The following MYO5B variants were observed in gnomAD, a reference collection of about 807,000 sequenced individuals.
The protein encoded by MYO5B is unconventional myosin-Vb.
MYO5B carries 143 observed loss-of-function variants against 229.3 expected under a neutral mutation model. The observed-to-expected ratio is 0.62, with a 90% CI of 0.54 to 0.72. The LOEUF is 0.72. Among genes scored for constraint, MYO5B ranks in the 30% least tolerant of loss-of-function variants. The probability of loss-of-function intolerance (pLI) is 0.00; values close to 1 mark genes in which losing one functional copy is unlikely to be tolerated. For synonymous variants in MYO5B, 918 were observed against 885.2 expected (o/e 1.04, Z -0.66); for missense variants, 2,321 against 2,331.0 (o/e 1.00, Z 0.09).
chr18:49,881,344 A>G (rs1196000762), intron 22 of MYO5B, among the ~76,000 whole-genome samples: 2 of 152,170 alleles, frequency 1.3e-5, no homozygotes, highest in Admixed American at 6.5e-5. Flanking sequence ...AAATTCTGGA[A>G]AAGAGATAAC....
intron 1 of MYO5B, among the ~76,000 whole-genome samples, chr18:50,187,860 C>T (rs779997516): frequency 4.6e-5 from 7 of 152,098 alleles, no homozygotes; most frequent in Non-Finnish European, 8.8e-5. Flanking sequence ...AGACAAAAAA[C>T]TGAGCAACTG....
At chr18:49,888,065 G>A (rs772534792) in intron 22 of MYO5B, among the ~76,000 whole-genome samples, 40 of 152,126 alleles carry the variant, frequency 2.6e-4, no homozygotes, top group Non-Finnish European at 5.1e-4. Flanking sequence ...GCAGGGATGA[G>A]GGACAGGTGC....
At chr18:49,986,631 AT>A (rs778090237) in intron 7 of MYO5B, among the ~76,000 whole-genome samples, 5 of 152,238 alleles carry the variant, frequency 3.3e-5, no homozygotes, top group Non-Finnish European at 7.3e-5. Context: ...AGAAGACAGC[AT>A]TTTAGCTCTT....
chr18:49,954,530 T>C, intron 12 of MYO5B, 95 bp from the exon 13 acceptor site: 1 of 1,506,970 alleles, frequency 6.6e-7, no homozygotes, highest in South Asian at 1.1e-5. Context: ...GCTGGCTCTG[T>C]GAAGGTTGAT....
intron 1 of MYO5B, among the ~76,000 whole-genome samples, chr18:50,071,386 T>C (rs1204366950): frequency 1.3e-5 from 2 of 152,172 alleles, no homozygotes; most frequent in African/African-American, 4.8e-5. Flanking sequence ...AAAATGTTCA[T>C]CATGATGCCC....
Position 49,992,406 on chromosome 18 carries a change from C to A in MYO5B, c.638G>T (p.Arg213Leu), listed in dbSNP as rs557316656. 6 of 1,614,036 alleles carry A rather than the reference C, an allele frequency of 3.7e-6. No homozygotes were observed. The highest frequency in any genetic ancestry group is 4.2e-6 in the Non-Finnish European group (5 of 1,179,998). The stretch of plus-strand genomic sequence containing the variant: ...GCCAAAACGGCTGCTGTTGTCATTG[C>A]GGGTGGTCTTGGCATTTCCAATGGC... ...MEAIGNAKTTRNDNSSRFGKY... is the reference protein window; with the variant it reads ...MEAIGNAKTTLNDNSSRFGKY... The change falls in exon 6 of 40, where the codon CGC (arginine) becomes CTC (leucine). Residue 213 changes from arginine (R) to leucine (L), a missense_variant. Physicochemically the swap from Arg to Leu is moderately radical, Grantham distance 102. Coordinates refer to ENST00000285039, the MANE Select transcript of MYO5B (RefSeq NM_001080467.3).
At chr18:50,173,489 G>C (rs544800976) in intron 1 of MYO5B, among the ~76,000 whole-genome samples, 4 of 152,332 alleles carry the variant, frequency 2.6e-5, no homozygotes, top group Middle Eastern at 3.4e-3. Context: ...TGATCTGGCT[G>C]CTGCACAGAG....
In MYO5B at chr18:49,824,022, T is replaced by A. The variant is rs2023807322; in HGVS notation, c.*2449A>T. 1 of 152,536 alleles carries A rather than the reference T, an allele frequency of 6.6e-6. No individual in the cohort carries two copies. The highest frequency in any genetic ancestry group is 1.5e-5 in the Non-Finnish European group (1 of 68,014). 9.4% of individuals were successfully genotyped at this position (152,536 alleles called of 1,614,324 possible). Reference sequence around the variant, plus strand: ...CTTAGTAACCGCTAAAGGCACCTGGTGAAAAAAATGTCAACTAAATTTTAA... The same window carrying A: ...CTTAGTAACCGCTAAAGGCACCTGGAGAAAAAAATGTCAACTAAATTTTAA... On this transcript the variant is annotated 3_prime_UTR_variant, in exon 40 of 40. Transcript: ENST00000285039.
chr18:50,073,022 T>C (rs1435671772), intron 1 of MYO5B, among the ~76,000 whole-genome samples: 3 of 152,208 alleles, frequency 2.0e-5, no homozygotes, highest in Admixed American at 6.5e-5. Flanking sequence ...AGTCACATCG[T>C]AGCCAAAGAT....
At chr18:49,909,064 A>T (rs2024930393) in intron 18 of MYO5B, among the ~76,000 whole-genome samples, 1 of 152,106 alleles carries the variant, frequency 6.6e-6, no homozygotes, top group Non-Finnish European at 1.5e-5. Context: ...CTTTGTCCCC[A>T]CTTCTCATCG....
chr18:50,043,725 G>A (rs1170212345), intron 2 of MYO5B, among the ~76,000 whole-genome samples: 2 of 144,736 alleles, frequency 1.4e-5, no homozygotes, highest in East Asian at 3.9e-4. Flanking sequence ...TTATTACTCA[G>A]CCATAAAAAG....
chr18:49,995,536 T>A (rs756022647), intron 5 of MYO5B, among the ~76,000 whole-genome samples: 9 of 151,940 alleles, frequency 5.9e-5, no homozygotes, highest in Non-Finnish European at 1.3e-4. Flanking sequence ...TGGGATTACA[T>A]CCTCACTTAT....
intron 2 of MYO5B, among the ~76,000 whole-genome samples, chr18:50,051,240 G>A (rs1458194020): frequency 6.6e-6 from 1 of 152,092 alleles, no homozygotes; most frequent in East Asian, 1.9e-4. Flanking sequence ...CTCTTGCCCT[G>A]GCCCTCCAAA....
intron 4 of MYO5B, among the ~76,000 whole-genome samples, chr18:50,030,645 C>A (rs1395723634): frequency 1.3e-5 from 2 of 152,044 alleles, no homozygotes; most frequent in East Asian, 3.9e-4. Flanking sequence ...CAGATCCCAT[C>A]TCCAGGCTGG....
intron 5 of MYO5B, among the ~76,000 whole-genome samples, chr18:49,999,413 TTC>T: frequency 6.6e-6 from 1 of 152,342 alleles, no homozygotes; most frequent in South Asian, 2.1e-4. Context: ...CATGCCTCAG[TTC>T]GGGGCTCAGA....
intron 1 of MYO5B, among the ~76,000 whole-genome samples, chr18:50,164,465 T>C (rs2032814670): frequency 6.6e-6 from 1 of 152,242 alleles, no homozygotes; most frequent in South Asian, 2.1e-4. Flanking sequence ...CCCCCCACTT[T>C]ACAGAACTTC....
chr18:50,178,126 G>C (rs754626057), intron 1 of MYO5B, among the ~76,000 whole-genome samples: 1 of 152,180 alleles, frequency 6.6e-6, no homozygotes, highest in Non-Finnish European at 1.5e-5. Context: ...ACCCACCGAG[G>C]CTGAGTGGAA....
chr18:49,875,713 C>A lies in MYO5B; in HGVS notation c.3511G>T (p.Glu1171Ter). Residue 1171 changes from glutamate to a stop codon, truncating the protein, a stop_gained, in exon 26 of 40, where the codon GAA becomes TAA. Coordinates refer to ENST00000285039, the MANE Select transcript of MYO5B (RefSeq NM_001080467.3). LOFTEE classifies it high-confidence loss of function. ...TGGACTTTCTTGCTGTCCTGCTGTT[C>A]TCTCTTCTCCAGCTGCACTTGCAGC... Reference protein sequence around the residue: ...KKLQVQLEKREQQDSKKVQAE... With the variant: ...KKLQVQLEKR The A allele has an allele frequency of 6.2e-7, 1 of 1,614,158 alleles. No individual in the cohort carries two copies. Among genetic ancestry groups the A allele is most frequent in the Non-Finnish European group, 8.5e-7 (1 of 1,180,008 alleles).
chr18:49,957,444 A>C (rs1330007076), intron 12 of MYO5B, among the ~76,000 whole-genome samples: 1 of 152,056 alleles, frequency 6.6e-6, no homozygotes, highest in Admixed American at 6.6e-5. Context: ...GAAGTTCAAG[A>C]CCAGCCTGGG....
Sources: allele counts gnomAD v4.1 joint callset (sites outside exome capture counted in the v4.1 genomes callset), GRCh38; gene constraint gnomAD v4.1.1; transcripts MANE v1.5; gene names NCBI Gene and HGNC (gene_info 2026-07-23, HGNC 2026-07-21).